Variants in OR8B3 observed in about 807,000 individuals in gnomAD.
OR8B3 encodes the protein olfactory receptor family 8 subfamily B member 3, also known as olfactory receptor 8B3.
For synonymous variants in OR8B3, 102 were observed against 135.4 expected (o/e 0.75, Z 1.71); for missense variants, 278 against 377.6 (o/e 0.74, Z 2.19).
chr11:124,399,904 A>G (rs187311883), upstream of OR8B3, among the ~76,000 whole-genome samples: 1 of 146,428 alleles, frequency 6.8e-6, no homozygotes. Context: ...TTTTTTTGAG[A>G]CTGTGTCCTG....
chr11:124,403,018 A>T (rs1475327243), upstream of OR8B3, among the ~76,000 whole-genome samples: 1 of 152,008 alleles, frequency 6.6e-6, no homozygotes, highest in Non-Finnish European at 1.5e-5. Flanking sequence ...GAGATTAGGG[A>T]GTGGTGATGA....
At chr11:124,398,396 G>A (rs1475038956) in intron 1 of OR8B3, among the ~76,000 whole-genome samples, 1 of 152,170 alleles carries the variant, frequency 6.6e-6, no homozygotes, top group Non-Finnish European at 1.5e-5. Context: ...TACCAAACTG[G>A]TATTTTTATG....
chr11:124,403,973 C>T (rs901820120), upstream of OR8B3, among the ~76,000 whole-genome samples: 5 of 152,170 alleles, frequency 3.3e-5, no homozygotes, highest in East Asian at 1.9e-4. Flanking sequence ...ACCAGTCAGG[C>T]GTGGCGGCGC....
At chr11:124,403,688 G>A (rs1262239504), upstream of OR8B3, among the ~76,000 whole-genome samples, 2 of 152,148 alleles carry the variant, frequency 1.3e-5, no homozygotes, top group Non-Finnish European at 2.9e-5. Flanking sequence ...AGGCAGAGAC[G>A]CTCTTCACTT....
upstream of OR8B3, among the ~76,000 whole-genome samples, chr11:124,400,503 A>G (rs1173296142): frequency 6.6e-6 from 1 of 152,064 alleles, no homozygotes; most frequent in East Asian, 1.9e-4. Flanking sequence ...AGCCTCTGGT[A>G]ACAACCATTT....
chr11:124,397,699 C>A (rs1591436624), intron 1 of OR8B3, among the ~76,000 whole-genome samples: 1 of 141,920 alleles, frequency 7.0e-6, no homozygotes, highest in Non-Finnish European at 1.5e-5. Flanking sequence ...TTCCTAGTTT[C>A]TTTTTTTTTT....
At chr11:124,400,814 AG>A (rs1317985444), upstream of OR8B3, among the ~76,000 whole-genome samples, 1 of 151,994 alleles carries the variant, frequency 6.6e-6, no homozygotes, top group Non-Finnish European at 1.5e-5. Context: ...TAATCTCCCA[AG>A]GTGTAATCTC....
At chr11:124,399,885 CTTTT>C (rs35671436), upstream of OR8B3, among the ~76,000 whole-genome samples, 3 of 141,776 alleles carry the variant, frequency 2.1e-5, no homozygotes, top group African/African-American at 5.1e-5. Context: ...ACAGAATTCT[CTTTT>C]TTTTTTTTTT....
chr11:124,396,054 CA>C lies in OR8B3; in HGVS notation c.*355del, dbSNP rs1860859891. On this transcript the variant is annotated 3_prime_UTR_variant, in exon 2 of 2. Coordinates refer to ENST00000641139, the MANE Select transcript of OR8B3 (RefSeq NM_001005467.2). ...ATAAGAATGCTTCTATCATATTTGG[CA>C]CTTCTGAGTTTAGGTGAGAAAGCCG... is the stretch of plus-strand genomic sequence containing the variant. 5.7e-6 allele frequency: 1 copy of C among 175,196 alleles called. No individual in the cohort carries two copies. The highest frequency in any genetic ancestry group is 1.6e-4 in the South Asian group (1 of 6,200). 10.9% of individuals were successfully genotyped at this position (175,196 alleles called of 1,614,324 possible). A position where few individuals can be genotyped will look rare whatever the true frequency, so the allele number is the denominator to read the frequency against.
upstream of OR8B3, among the ~76,000 whole-genome samples, chr11:124,403,718 G>A (rs1174910128): frequency 5.3e-5 from 8 of 152,180 alleles, no homozygotes; most frequent in Admixed American, 1.3e-4. Context: ...GGTGGCGGCC[G>A]GGCAAAGGCT....
intron 1 of OR8B3, among the ~76,000 whole-genome samples, chr11:124,398,174 G>GA (rs1285182450): frequency 6.6e-6 from 1 of 152,166 alleles, no homozygotes; most frequent in East Asian, 1.9e-4. Flanking sequence ...GAAGTCACCA[G>GA]GTGATAACAG....
At chr11:124,404,512 A>C in the OR8B3 span, 1 of 152,238 alleles carries the variant, frequency 6.6e-6, no homozygotes, top group South Asian at 2.1e-4. Context: ...ATAATATGTA[A>C]CAGACTTTTT....
the OR8B3 span, among the ~76,000 whole-genome samples, chr11:124,409,359 A>C: frequency 3.9e-5 from 6 of 152,342 alleles, no homozygotes; most frequent in Non-Finnish European, 8.8e-5. Context: ...TAGTTTTTGC[A>C]ACTTGGGCAA....
upstream of OR8B3, among the ~76,000 whole-genome samples, chr11:124,403,275 C>T (rs1479457346): frequency 6.6e-6 from 1 of 152,256 alleles, no homozygotes; most frequent in Non-Finnish European, 1.5e-5. Flanking sequence ...CTTTTCCCCA[C>T]ATTTCCCCCT....
chr11:124,398,548 C>G (rs376529896), intron 1 of OR8B3, 142 bp downstream of exon 1: 1 of 152,148 alleles, frequency 6.6e-6, no homozygotes, highest in Admixed American at 6.5e-5. Flanking sequence ...AAGAATGAAG[C>G]CAACAGAGAG....
chr11:124,402,135 T>C (rs1478561550), upstream of OR8B3, among the ~76,000 whole-genome samples: 1 of 152,240 alleles, frequency 6.6e-6, no homozygotes, highest in East Asian at 1.9e-4. Flanking sequence ...TGTATTCTTA[T>C]AGGGCTTCTA....
the OR8B3 span, among the ~76,000 whole-genome samples, chr11:124,408,125 C>T: frequency 3.3e-4 from 50 of 152,128 alleles, no homozygotes; most frequent in Non-Finnish European, 6.2e-4. Context: ...TGTTTGATGA[C>T]GTTGTATCCT....
At chr11:124,408,779 A>G in the OR8B3 span, among the ~76,000 whole-genome samples, 1 of 152,124 alleles carries the variant, frequency 6.6e-6, no homozygotes, top group Non-Finnish European at 1.5e-5. Flanking sequence ...CCCATAAGAC[A>G]TGTTCACCAG....
chr11:124,406,782 C>T, the OR8B3 span, among the ~76,000 whole-genome samples: 3 of 144,030 alleles, frequency 2.1e-5, no homozygotes, highest in Non-Finnish European at 4.5e-5. Flanking sequence ...TTCTTTGTAA[C>T]CTCCTTCTCA....
Sources: gnomAD v4.1 joint callset for allele counts (sites outside exome capture counted in the v4.1 genomes callset) on GRCh38, gnomAD v4.1.1 for gene constraint, MANE v1.5 for transcripts, NCBI Gene and HGNC (gene_info 2026-07-23, HGNC 2026-07-21) for gene names.